The following HS3ST2 variants were observed in gnomAD, a reference collection of about 807,000 sequenced individuals.
HS3ST2 encodes heparan sulfate glucosamine 3-O-sulfotransferase 2.
Under a neutral mutation model 26.3 loss-of-function variants are expected in HS3ST2, and 17 were observed. That is an observed-to-expected ratio of 0.65 (90% CI 0.44 to 0.97). HS3ST2 has a LOEUF of 0.97. Among genes scored for constraint, HS3ST2 ranks in the 50% least tolerant of loss-of-function variants. The probability of loss-of-function intolerance (pLI) is 0.00; values close to 1 mark genes in which losing one functional copy is unlikely to be tolerated. For synonymous variants in HS3ST2, 237 were observed against 219.2 expected (o/e 1.08, Z -0.72); for missense variants, 402 against 501.2 (o/e 0.80, Z 1.89).
At chr16:22,883,586 G>A (rs1902021869) in intron 1 of HS3ST2, among the ~76,000 whole-genome samples, 1 of 152,088 alleles carries the variant, frequency 6.6e-6, no homozygotes, top group Admixed American at 6.5e-5. Flanking sequence ...CTATGTAACT[G>A]GTTTTTGTTT....
intron 1 of HS3ST2, among the ~76,000 whole-genome samples, chr16:22,862,775 T>A (rs916428056): frequency 6.6e-6 from 1 of 152,108 alleles, no homozygotes; most frequent in Non-Finnish European, 1.5e-5. Context: ...GAGAGAAGCA[T>A]GGAGTGGAGG....
intron 1 of HS3ST2, among the ~76,000 whole-genome samples, chr16:22,907,325 T>C (rs1902369246): frequency 6.6e-6 from 1 of 152,200 alleles, no homozygotes; most frequent in African/African-American, 2.4e-5. Context: ...AAAAGAATCA[T>C]TGATGCCTGA....
intron 1 of HS3ST2, among the ~76,000 whole-genome samples, chr16:22,819,225 A>G (rs941538670): frequency 7.3e-6 from 1 of 136,536 alleles, no homozygotes; most frequent in African/African-American, 2.8e-5. Context: ...CCCTCCTTCC[A>G]TGTTAACAGA....
In HS3ST2 at chr16:22,814,782, G is replaced by T; in HGVS notation, c.172G>T (p.Gly58Cys). 6.3e-7 allele frequency: 1 copy of T among 1,599,988 alleles called. No individual in the cohort carries two copies. ...CCTCGGCGCGCCTCGCTGCCTCCGC[G>T]GCCCCAGCGCGGGCGGCCAGAAACT... ...RLLGAPRCLR[G>C]PSAGGQKLLQ... The change falls in exon 1 of 2, where the codon GGC (glycine) becomes TGC (cysteine). Residue 58 changes from glycine (G) to cysteine (C), a missense_variant. Physicochemically the swap from Gly to Cys is radical, Grantham distance 159 (BLOSUM62 -3). Around this residue, in one of 2 missense-constraint regions of HS3ST2, gnomAD observed 165 missense variants for 154.6 expected, o/e 1.07. Coordinates refer to ENST00000261374, the MANE Select transcript of HS3ST2 (RefSeq NM_006043.2).
At chr16:22,860,924 G>A (rs2141189141) in intron 1 of HS3ST2, among the ~76,000 whole-genome samples, 1 of 151,794 alleles carries the variant, frequency 6.6e-6, no homozygotes, top group Non-Finnish European at 1.5e-5. Flanking sequence ...CCAGGCTGGA[G>A]TGCAGTGGTG....
intron 1 of HS3ST2, among the ~76,000 whole-genome samples, chr16:22,864,377 T>A (rs749445051): frequency 6.6e-6 from 1 of 152,200 alleles, no homozygotes; most frequent in Non-Finnish European, 1.5e-5. Context: ...CAGGACCTCA[T>A]GAAGAACTGT....
intron 1 of HS3ST2, 105 bp from the exon 2 acceptor site, chr16:22,914,839 G>A (rs1902471666): frequency 4.4e-6 from 5 of 1,137,118 alleles, no homozygotes; most frequent in Non-Finnish European, 6.2e-6. Context: ...ACAGAGGCCA[G>A]GAGGAGGATG....
chr16:22,876,674 G>T (rs1423444097), intron 1 of HS3ST2, among the ~76,000 whole-genome samples: 3 of 152,122 alleles, frequency 2.0e-5, no homozygotes, highest in Non-Finnish European at 2.9e-5. Flanking sequence ...AAAGACATTT[G>T]CACATGCATG....
At chr16:22,873,459 TAACAGATAAACTAGA>T (rs1177088661) in intron 1 of HS3ST2, among the ~76,000 whole-genome samples, 1 of 152,230 alleles carries the variant, frequency 6.6e-6, no homozygotes, top group Non-Finnish European at 1.5e-5. Context: ...ACCTGTCGGG[TAACAGATAAACTAGA>T]TTAGAAGAGT....
rs998834864 is a variant in HS3ST2, at chr16:22,876,269, C to T, written c.486-38675C>T. On this transcript the variant is annotated intron_variant, in intron 1 of 1. Coordinates refer to ENST00000261374, the MANE Select transcript of HS3ST2 (RefSeq NM_006043.2). ...TCAGCAAGAATAAAACAAATAATCT[C>T]ATCAAAAAGTGGGCTAAGGACATGC... Among the ~76,000 whole-genome samples, 13 of 151,990 alleles carry T rather than the reference C, an allele frequency of 8.6e-5. No homozygotes were observed. The East Asian group carries it at 2.5e-3, about 29-fold the overall frequency.
At chr16:22,891,586 T>C (rs1161698972) in intron 1 of HS3ST2, among the ~76,000 whole-genome samples, 1 of 152,224 alleles carries the variant, frequency 6.6e-6, no homozygotes, top group Non-Finnish European at 1.5e-5. Flanking sequence ...TAATTCATAA[T>C]TACAATTAAA....
At chr16:22,903,080 T>A (rs1902301767) in intron 1 of HS3ST2, among the ~76,000 whole-genome samples, 1 of 152,212 alleles carries the variant, frequency 6.6e-6, no homozygotes, top group Non-Finnish European at 1.5e-5. Flanking sequence ...AACTTTTCCA[T>A]CTTTTCCTTC....
intron 1 of HS3ST2, among the ~76,000 whole-genome samples, chr16:22,829,371 G>T (rs1456097995): frequency 6.6e-6 from 1 of 152,234 alleles, no homozygotes; most frequent in South Asian, 2.1e-4. Context: ...TAGGGTATTT[G>T]GTCCCATTTA....
intron 1 of HS3ST2, among the ~76,000 whole-genome samples, chr16:22,818,830 CT>C (rs1900926177): frequency 3.8e-5 from 1 of 26,080 alleles, no homozygotes; most frequent in Non-Finnish European, 7.1e-5. Flanking sequence ...TCCTTCCTTC[CT>C]TCCCTCCTTC....
intron 1 of HS3ST2, among the ~76,000 whole-genome samples, chr16:22,885,748 G>A (rs1469059722): frequency 3.9e-5 from 6 of 152,140 alleles, no homozygotes; most frequent in Admixed American, 2.6e-4. Context: ...GAGCCACTGC[G>A]CCCAGCCTAG....
At chr16:22,900,246 T>G (rs1026800455) in intron 1 of HS3ST2, among the ~76,000 whole-genome samples, 14 of 152,310 alleles carry the variant, frequency 9.2e-5, no homozygotes, top group African/African-American at 3.4e-4. Context: ...TTTCGTGGCA[T>G]GCATTCACTC....
intron 1 of HS3ST2, among the ~76,000 whole-genome samples, chr16:22,837,413 G>A (rs941130727): frequency 3.3e-5 from 5 of 151,374 alleles, no homozygotes; most frequent in East Asian, 1.9e-4. Flanking sequence ...AGGGGGATAT[G>A]TCCCCAGATC....
At chr16:22,885,095 C>T (rs1225349275) in intron 1 of HS3ST2, among the ~76,000 whole-genome samples, 5 of 152,078 alleles carry the variant, frequency 3.3e-5, no homozygotes, top group Non-Finnish European at 1.5e-5. Context: ...CCCACCTTGG[C>T]CTCCCAAAGT....
At chr16:22,817,174 G>T (rs1478370927) in intron 1 of HS3ST2, among the ~76,000 whole-genome samples, 1 of 152,036 alleles carries the variant, frequency 6.6e-6, no homozygotes, top group African/African-American at 2.4e-5. Flanking sequence ...AGTCTTGGTA[G>T]GTTTTATTTA....
Sources: allele counts gnomAD v4.1 joint callset (sites outside exome capture counted in the v4.1 genomes callset), GRCh38; gene constraint gnomAD v4.1.1; regional missense constraint gnomAD v4.1.1; transcripts MANE v1.5; gene names NCBI Gene and HGNC (gene_info 2026-07-23, HGNC 2026-07-21).